UBE2E2: variants seen among roughly 807,000 people sequenced by gnomAD.
UBE2E2 encodes the protein ubiquitin conjugating enzyme E2 E2, also known as ubiquitin-conjugating enzyme E2 E2.
In UBE2E2, 6 loss-of-function variants were observed where a neutral mutation model predicts 24.7. That is an observed-to-expected ratio of 0.24 (90% CI 0.13 to 0.48). The LOEUF is 0.48. UBE2E2 is among the 20% of genes least tolerant of loss of function. UBE2E2 has a pLI of 0.99. For synonymous variants in UBE2E2, 104 were observed against 83.6 expected, an observed-to-expected ratio of 1.24 and a Z score of -1.33; for missense variants, 169 against 245.0, an observed-to-expected ratio of 0.69 and a Z score of 2.07.
At chr3:23,487,239 G>A (rs1056817983) in intron 3 of UBE2E2, among the ~76,000 whole-genome samples, 1 of 152,188 alleles carries the variant, frequency 6.6e-6, no homozygotes, top group Admixed American at 6.5e-5. Flanking sequence ...ACTGGAGCAG[G>A]TGCTGGGATT....
chr3:23,374,083 A>G (rs1376162467), intron 3 of UBE2E2, among the ~76,000 whole-genome samples: 2 of 152,208 alleles, frequency 1.3e-5, no homozygotes, highest in Non-Finnish European at 2.9e-5. Flanking sequence ...TAATATTTTA[A>G]AATATTAAGT....
At chr3:23,244,142 A>AT (rs560954803) in intron 3 of UBE2E2, among the ~76,000 whole-genome samples, 9 of 151,792 alleles carry the variant, frequency 5.9e-5, no homozygotes, top group Middle Eastern at 3.4e-3. Flanking sequence ...TTGGAAAAAA[A>AT]AAAAGAATCA....
At position 23,446,938 on chromosome 3, in the gene UBE2E2, G is replaced by T. The variant is rs984207517; in HGVS notation, c.228-52670G>T. ...GTAGTTTAGAACTCAATTGTAATAG[G>T]CCTCAAAAAGTTTGGGATTTCCCTT... On this transcript the variant is annotated intron_variant, in intron 3 of 5. Transcript: ENST00000396703. 3.9e-5 allele frequency among the ~76,000 whole-genome samples: 6 copies of T among 152,044 alleles called. No homozygotes were observed. The South Asian group carries it at 1.2e-3, about 32-fold the overall frequency.
chr3:23,272,607 A>G (rs1003438327), intron 3 of UBE2E2, among the ~76,000 whole-genome samples: 1 of 152,176 alleles, frequency 6.6e-6, no homozygotes, highest in African/African-American at 2.4e-5. Flanking sequence ...TTGCAATGGG[A>G]GTATGGGATG....
intron 3 of UBE2E2, among the ~76,000 whole-genome samples, chr3:23,426,057 G>C (rs1486451026): frequency 6.6e-6 from 1 of 152,018 alleles, no homozygotes; most frequent in African/African-American, 2.4e-5. Context: ...TTCTAAGAAA[G>C]AATCAAAAAG....
intron 3 of UBE2E2, among the ~76,000 whole-genome samples, chr3:23,420,194 G>T (rs181843258): frequency 6.6e-6 from 1 of 152,120 alleles, no homozygotes; most frequent in African/African-American, 2.4e-5. Flanking sequence ...CAGTATCTAT[G>T]TCTATTCATA....
intron 5 of UBE2E2, among the ~76,000 whole-genome samples, chr3:23,567,591 G>A (rs1050963996): frequency 6.6e-6 from 1 of 152,108 alleles, no homozygotes; most frequent in Non-Finnish European, 1.5e-5. Flanking sequence ...CCCAAAAAGT[G>A]GCACCAGACC....
Position 23,382,317 on chromosome 3 carries a change from G to A in UBE2E2, c.228-117291G>A, listed in dbSNP as rs181577431. ...CTGCCTCAGCCTCCAGAGTAGCTGG[G>A]ATTACAGGTGTGTGCTACTGCACCT... is the stretch of plus-strand genomic sequence containing the variant. On this transcript the variant is annotated intron_variant, in intron 3 of 5. Coordinates refer to ENST00000396703, the MANE Select transcript of UBE2E2 (RefSeq NM_152653.4). Among the ~76,000 whole-genome samples the A allele has an allele frequency of 3.8e-3, 582 of 151,674 alleles. 3 individuals carry two copies. The highest frequency in any genetic ancestry group is 0.013 in the African/African-American group (527 of 41,366).
At chr3:23,319,955 C>T (rs577339558) in intron 3 of UBE2E2, among the ~76,000 whole-genome samples, 72 of 152,274 alleles carry the variant, frequency 4.7e-4, no homozygotes, top group African/African-American at 1.7e-3. Context: ...TCCCTAAGAT[C>T]TGGCTAGCAT....
intron 3 of UBE2E2, among the ~76,000 whole-genome samples, chr3:23,369,299 T>C (rs1449791434): frequency 6.6e-6 from 1 of 152,188 alleles, no homozygotes; most frequent in Non-Finnish European, 1.5e-5. Flanking sequence ...CTGAGATCAG[T>C]AAAACTTCAG....
chr3:23,260,987 C>T (rs1028790907), intron 3 of UBE2E2, among the ~76,000 whole-genome samples: 1 of 152,114 alleles, frequency 6.6e-6, no homozygotes, highest in Non-Finnish European at 1.5e-5. Context: ...CCTGTAGTCT[C>T]AGCTACCTGG....
intron 3 of UBE2E2, among the ~76,000 whole-genome samples, chr3:23,273,517 C>T (rs572415626): frequency 7.7e-5 from 10 of 129,120 alleles, no homozygotes; most frequent in African/African-American, 2.7e-4. Context: ...GGCGACAGAG[C>T]GAGACTCCGT....
intron 3 of UBE2E2, among the ~76,000 whole-genome samples, chr3:23,442,540 T>C (rs1698331414): frequency 6.6e-6 from 1 of 152,238 alleles, no homozygotes; most frequent in Non-Finnish European, 1.5e-5. Context: ...CTATGAAGTA[T>C]AGTTTTAAGT....
chr3:23,561,565 G>C (rs1695930116), intron 5 of UBE2E2, among the ~76,000 whole-genome samples: 1 of 151,632 alleles, frequency 6.6e-6, no homozygotes, highest in South Asian at 2.1e-4. Context: ...GCTCTTTTTT[G>C]GTTCCATATG....
intron 4 of UBE2E2, among the ~76,000 whole-genome samples, chr3:23,510,535 A>T (rs1216908791): frequency 1.3e-5 from 2 of 152,060 alleles, no homozygotes. Flanking sequence ...TGAACCCAGG[A>T]GGTGGAGGCT....
At chr3:23,558,413 T>A (rs997159188) in intron 5 of UBE2E2, among the ~76,000 whole-genome samples, 1 of 152,206 alleles carries the variant, frequency 6.6e-6, no homozygotes, top group Non-Finnish European at 1.5e-5. Flanking sequence ...TATGTAGTTA[T>A]GTATATCTTT....
intron 3 of UBE2E2, among the ~76,000 whole-genome samples, chr3:23,283,913 A>G (rs980151240): frequency 1.3e-5 from 2 of 152,156 alleles, no homozygotes; most frequent in African/African-American, 4.8e-5. Flanking sequence ...TGATTCTGAT[A>G]TGTGCACAAG....
intron 3 of UBE2E2, among the ~76,000 whole-genome samples, chr3:23,358,683 A>AT (rs1157725358): frequency 6.6e-5 from 10 of 152,196 alleles, no homozygotes; most frequent in Admixed American, 6.5e-4. Flanking sequence ...TACCTCTTTT[A>AT]TTTAAAAAGT....
intron 4 of UBE2E2, among the ~76,000 whole-genome samples, chr3:23,501,669 T>C (rs928401947): frequency 7.2e-5 from 11 of 152,108 alleles, no homozygotes; most frequent in African/African-American, 2.7e-4. Flanking sequence ...TCCAGGATGG[T>C]TGGATGGGAC....
Sources: gnomAD v4.1 joint callset for allele counts (sites outside exome capture counted in the v4.1 genomes callset) on GRCh38, gnomAD v4.1.1 for gene constraint, MANE v1.5 for transcripts, NCBI Gene and HGNC (gene_info 2026-07-23, HGNC 2026-07-21) for gene names.